Variants in FXYD7 observed in about 807,000 individuals in gnomAD.
The protein encoded by FXYD7 is FXYD domain-containing ion transport regulator 7.
In FXYD7, 7 loss-of-function variants were observed where a neutral mutation model predicts 15.3. The ratio of observed to expected loss-of-function variants is 0.46; its 90% CI spans 0.26 to 0.86. The LOEUF (loss-of-function observed/expected upper bound fraction) is 0.86, where lower values mean the gene tolerates loss of function less well. Ranked by LOEUF, FXYD7 falls within the 40% of genes least tolerant of loss-of-function variation. The pLI is 0.16. For synonymous variants in FXYD7, 39 were observed against 39.3 expected (o/e 0.99, Z 0.03); for missense variants, 78 against 100.6 (o/e 0.78, Z 0.96).
At chr19:35,151,107 A>G (rs1406132272) in intron 2 of FXYD7, 147 bp from the exon 3 acceptor site, 4 of 712,684 alleles carry the variant, frequency 5.6e-6, no homozygotes, top group Admixed American at 3.8e-5. Context: ...ACATCCTCAC[A>G]TCAACCCCCT....
At chr19:35,149,162 G>A in intron 2 of FXYD7, 1 of 400,216 alleles carries the variant, frequency 2.5e-6, no homozygotes, top group Non-Finnish European at 5.0e-6. Context: ...AAAGATACCT[G>A]ACTGGTGGCA....
rs1443542152 is a variant in FXYD7, at chr19:35,154,290, G to T, written c.*374G>T. 4 of 326,772 alleles carry T rather than the reference G, an allele frequency of 1.2e-5. No homozygotes were observed. The highest frequency in any genetic ancestry group is 6.6e-5 in the African/African-American group (3 of 45,606). 20.2% of individuals were successfully genotyped at this position (326,772 alleles called of 1,614,324 possible). On this transcript the variant is annotated 3_prime_UTR_variant, in exon 6 of 6. Transcript: ENST00000270310. ...CTTGAGCTTAATAAATGTGCATTTG[G>T]TTTTTTCCTCTGTTCTGTCTGTGTG...
At chr19:35,153,308 C>T (rs775581022) in intron 5 of FXYD7, among the ~76,000 whole-genome samples, 1 of 152,146 alleles carries the variant, frequency 6.6e-6, no homozygotes, top group African/African-American at 2.4e-5. Flanking sequence ...GATCCGCCAT[C>T]CTCGGCCTCC....
intron 2 of FXYD7, chr19:35,149,189 G>A: frequency 5.3e-6 from 2 of 375,088 alleles, no homozygotes; most frequent in Middle Eastern, 7.7e-4. Flanking sequence ...CTCCTCCATG[G>A]CACTGAAGCT....
At chr19:35,150,628 CAAAGGCCTTGGG>C in intron 2 of FXYD7, among the ~76,000 whole-genome samples, 1 of 152,076 alleles carries the variant, frequency 6.6e-6, no homozygotes, top group African/African-American at 2.4e-5. Flanking sequence ...ACAGCCAGTG[CAAAGGCCTTGGG>C]ATAGGATCAT....
chr19:35,153,869 G>C (rs765560197), intron 5 of FXYD7, 25 bp from the exon 6 acceptor site: 1 of 1,612,124 alleles, frequency 6.2e-7, no homozygotes, highest in Non-Finnish European at 8.5e-7. Flanking sequence ...CTTTCTAGTG[G>C]CTCACGCACC....
chr19:35,147,606 G>A (rs952760490), intron 1 of FXYD7, among the ~76,000 whole-genome samples: 3 of 152,136 alleles, frequency 2.0e-5, no homozygotes, highest in Admixed American at 6.5e-5. Flanking sequence ...ATTTCACGTG[G>A]TAGAGTTCCA....
intron 1 of FXYD7, 69 bp from the exon 2 acceptor site, chr19:35,148,624 TA>T: frequency 5.2e-6 from 7 of 1,352,674 alleles, no homozygotes; most frequent in South Asian, 2.9e-5. Context: ...ATCTGGATCC[TA>T]AAAAATATTA....
intron 5 of FXYD7, among the ~76,000 whole-genome samples, chr19:35,152,139 A>G (rs1361582576): frequency 6.9e-6 from 1 of 145,306 alleles, no homozygotes; most frequent in Admixed American, 6.8e-5. Context: ...ACTGTCAAAA[A>G]AAAAAAAAAA....
In FXYD7 at chr19:35,143,805, C is replaced by T. The variant is rs1010016167; in HGVS notation, c.31+441C>T. On this transcript the variant is annotated intron_variant, in intron 1 of 5. Coordinates refer to ENST00000270310, the MANE Select transcript of FXYD7 (RefSeq NM_022006.2). The surrounding 1 kb of genome is among the most constrained non-coding windows in gnomAD (Gnocchi z 4.3). The stretch of plus-strand genomic sequence containing the variant: ...GTCCCTCTTCTTTCCAGTGCTGTCT[C>T]CTAGGGTGTCTGTTTCCTGAAACCC... Among the ~76,000 whole-genome samples the T allele has an allele frequency of 2.6e-5, 4 of 152,084 alleles. No homozygotes were observed. The highest frequency in any genetic ancestry group is 6.5e-5 in the Admixed American group (1 of 15,278).
intron 1 of FXYD7, among the ~76,000 whole-genome samples, chr19:35,147,255 C>T (rs532289664): frequency 9.2e-5 from 14 of 152,318 alleles, no homozygotes; most frequent in Admixed American, 5.9e-4. Flanking sequence ...CCCTACCCAA[C>T]CTCCAGGGAG....
intron 1 of FXYD7, among the ~76,000 whole-genome samples, chr19:35,148,052 A>AAAGG (rs2065295751): frequency 1.4e-5 from 2 of 140,080 alleles, no homozygotes; most frequent in African/African-American, 2.9e-5. Flanking sequence ...AGAAAGAAAG[A>AAAGG]AAGAAAGAAA....
At chr19:35,147,357 G>A (rs73588871) in intron 1 of FXYD7, among the ~76,000 whole-genome samples, 2,278 of 152,274 alleles carry the variant, frequency 0.015, 55 homozygotes, top group African/African-American at 0.052. Context: ...GTGGCAGACA[G>A]TCTGCTGCCA....
intron 4 of FXYD7, 47 bp downstream of exon 4, chr19:35,151,529 C>T (rs369408080): frequency 4.7e-5 from 76 of 1,605,534 alleles, no homozygotes; most frequent in Non-Finnish European, 6.0e-5. Flanking sequence ...CGGGGTGCCT[C>T]CCTAGCAGAT....
At position 35,143,598 on chromosome 19, in the gene FXYD7, T is replaced by C. The variant is rs1021325555; in HGVS notation, c.31+234T>C. Among the ~76,000 whole-genome samples the C allele has an allele frequency of 6.6e-6, 1 of 151,832 alleles. No individual in the cohort carries two copies. Among genetic ancestry groups the C allele is most frequent in the Admixed American group, 6.6e-5 (1 of 15,266 alleles). ...CAGACCTGCGGTTGGAGAGTGGCAG[T>C]CCCGGGAGAAGGGATGCTCGGACAG... is the stretch of plus-strand genomic sequence containing the variant. On this transcript the variant is annotated intron_variant, in intron 1 of 5. Transcript: ENST00000270310. This position sits in a 1 kb window ranked among gnomAD's most constrained non-coding sequence, Gnocchi z 4.3.
At chr19:35,152,134 CAAAAAA>C (rs71167517) in intron 5 of FXYD7, among the ~76,000 whole-genome samples, 20 of 45,136 alleles carry the variant, frequency 4.4e-4, no homozygotes, top group East Asian at 3.4e-3. Context: ...GTGAGACTGT[CAAAAAA>C]AAAAAAAAAA....
At chr19:35,151,050 A>G (rs1228501954) in intron 2 of FXYD7, among the ~76,000 whole-genome samples, 1 of 151,920 alleles carries the variant, frequency 6.6e-6, no homozygotes, top group East Asian at 1.9e-4. Context: ...AGGAAAGTAG[A>G]GGGTACAGAG....
chr19:35,150,478 GA>G (rs1470029938), intron 2 of FXYD7, among the ~76,000 whole-genome samples: 12 of 152,368 alleles, frequency 7.9e-5, no homozygotes, highest in Non-Finnish European at 1.6e-4. Flanking sequence ...AGAAGGGAAT[GA>G]GATTGGAAAG....
At chr19:35,150,203 C>T (rs112914579) in intron 2 of FXYD7, among the ~76,000 whole-genome samples, 17,784 of 152,200 alleles carry the variant, frequency 0.12, 1,077 homozygotes, top group African/African-American at 0.16. Context: ...AGGCTCATTA[C>T]AGGCATGAGC....
Sources: allele counts gnomAD v4.1 joint callset (sites outside exome capture counted in the v4.1 genomes callset), GRCh38; gene constraint gnomAD v4.1.1; non-coding constraint Gnocchi (gnomAD v3.1); transcripts MANE v1.5; gene names NCBI Gene and HGNC (gene_info 2026-07-23, HGNC 2026-07-21).